The following EHMT1 variants were observed in gnomAD, a reference collection of about 807,000 sequenced individuals.
EHMT1 encodes the protein histone-lysine N-methyltransferase EHMT1.
A neutral mutation model predicts 147.2 loss-of-function variants in EHMT1; 15 were observed. That is an observed-to-expected ratio of 0.10 (90% confidence interval 0.07 to 0.16). The LOEUF is 0.16. EHMT1 is among the 10% of genes least tolerant of loss of function. EHMT1 has a pLI of 1.00. For missense variants in EHMT1, 1,587 were observed against 1,772.4 expected (o/e 0.90, Z 1.88); for synonymous variants, 795 against 709.6 (o/e 1.12, Z -1.91).
In EHMT1 at chr9:137,703,679, C is replaced by T. The variant is rs149699241; in HGVS notation, c.22-7288C>T. Among the ~76,000 whole-genome samples, 855 of 152,160 alleles carry T rather than the reference C, an allele frequency of 5.6e-3. 11 individuals are homozygous for T. Among genetic ancestry groups the T allele is most frequent in the African/African-American group, 0.019 (809 of 41,488 alleles). On this transcript the variant is annotated intron_variant, in intron 1 of 26. Transcript: ENST00000460843. The stretch of plus-strand genomic sequence containing the variant: ...CCTCCTCAGCTTGGACTTCATTGTC[C>T]ATATCACTGTCAGCATTTTGGTCAA...
intron 1 of EHMT1, among the ~76,000 whole-genome samples, chr9:137,652,884 C>G (rs1002973129): frequency 1.3e-5 from 2 of 151,912 alleles, no homozygotes; most frequent in African/African-American, 2.4e-5. Flanking sequence ...TGCCACCACA[C>G]CTGGCTAACT....
At chr9:137,711,083 A>G (rs1944668953) in intron 2 of EHMT1, 53 bp downstream of exon 2, 1 of 1,529,190 alleles carries the variant, frequency 6.5e-7, no homozygotes, top group Non-Finnish European at 8.8e-7. Context: ...CCAGACTAGA[A>G]AACCTGCTGC....
At chr9:137,745,645 G>A (rs1018910377) in intron 6 of EHMT1, 9 of 397,958 alleles carry the variant, frequency 2.3e-5, no homozygotes, top group Middle Eastern at 1.3e-3. Context: ...CAGCTGCCGC[G>A]GTCTCTGCAC....
intron 7 of EHMT1, among the ~76,000 whole-genome samples, chr9:137,752,807 G>A (rs996677790): frequency 6.6e-6 from 1 of 152,000 alleles, no homozygotes; most frequent in Non-Finnish European, 1.5e-5. Context: ...CAGAGGGAGA[G>A]GGTGTGGCGG....
At chr9:137,673,631 G>A (rs1410781) in intron 1 of EHMT1, among the ~76,000 whole-genome samples, 2,026 of 152,292 alleles carry the variant, frequency 0.013, 42 homozygotes, top group African/African-American at 0.046. Flanking sequence ...AACTCCTGGC[G>A]AAACTGCGCT....
At chr9:137,777,564 C>T (rs866357475) in intron 12 of EHMT1, among the ~76,000 whole-genome samples, 8 of 152,282 alleles carry the variant, frequency 5.3e-5, no homozygotes, top group South Asian at 2.1e-4. Context: ...TTCCTATTAA[C>T]CTGTAAATTT....
intron 1 of EHMT1, among the ~76,000 whole-genome samples, chr9:137,684,244 G>C (rs180736169): frequency 7.2e-5 from 11 of 152,172 alleles, no homozygotes; most frequent in African/African-American, 2.6e-4. Flanking sequence ...TGTTGCCCAG[G>C]CTGGTCTCAA....
chr9:137,768,396 C>T (rs1363794297), intron 10 of EHMT1, among the ~76,000 whole-genome samples: 6 of 146,666 alleles, frequency 4.1e-5, no homozygotes, highest in African/African-American at 1.5e-4. Context: ...TCTTGTTGCC[C>T]GGGTTGGAGT....
intron 1 of EHMT1, among the ~76,000 whole-genome samples, chr9:137,656,120 C>G (rs1938415270): frequency 6.6e-6 from 1 of 152,168 alleles, no homozygotes; most frequent in Non-Finnish European, 1.5e-5. Flanking sequence ...TGGCTCACAC[C>G]TATAATCCCA....
chr9:137,817,386 T>C, intron 23 of EHMT1, 53 bp from the exon 24 acceptor site: 1 of 1,601,092 alleles, frequency 6.2e-7, no homozygotes, highest in Non-Finnish European at 8.6e-7. Flanking sequence ...CTGACCATTG[T>C]GGCAACAGGC....
At chr9:137,808,066 CT>C (rs889173160) in intron 18 of EHMT1, among the ~76,000 whole-genome samples, 14 of 152,298 alleles carry the variant, frequency 9.2e-5, no homozygotes, top group African/African-American at 3.1e-4. Context: ...TTGGATTTTG[CT>C]TTTCAGGTTT....
chr9:137,809,309 G>A (rs1361732151), intron 18 of EHMT1, among the ~76,000 whole-genome samples: 1 of 152,232 alleles, frequency 6.6e-6, no homozygotes, highest in East Asian at 1.9e-4. Flanking sequence ...AGTTGGGAGG[G>A]GGACTGCGTG....
intron 9 of EHMT1, among the ~76,000 whole-genome samples, chr9:137,760,776 G>A (rs933546178): frequency 2.6e-5 from 4 of 152,190 alleles, no homozygotes; most frequent in Admixed American, 6.5e-5. Context: ...TTGGGAGGCC[G>A]AGGTGGGCAG....
chr9:137,635,777 G>T (rs1317140229), intron 1 of EHMT1, among the ~76,000 whole-genome samples: 1 of 151,332 alleles, frequency 6.6e-6, no homozygotes, highest in Admixed American at 6.6e-5. Context: ...CTGAGATGGT[G>T]CCACTGCTCT....
intron 18 of EHMT1, among the ~76,000 whole-genome samples, chr9:137,807,734 C>T (rs1459210445): frequency 6.6e-6 from 1 of 152,194 alleles, no homozygotes; most frequent in African/African-American, 2.4e-5. Context: ...TCTCGAACTC[C>T]TGACCTCAAG....
intron 23 of EHMT1, 185 bp downstream of exon 23, chr9:137,816,247 G>C: frequency 1.5e-6 from 1 of 659,012 alleles, no homozygotes; most frequent in South Asian, 1.6e-5. Flanking sequence ...CATAAATCAC[G>C]AGTCATGCTT....
intron 14 of EHMT1, among the ~76,000 whole-genome samples, chr9:137,780,540 T>A (rs994571582): frequency 1.6e-5 from 2 of 127,388 alleles, no homozygotes; most frequent in African/African-American, 6.3e-5. Flanking sequence ...GTGATGACGC[T>A]GAGATGTGTG....
At chr9:137,800,798 G>C (rs1236220892) in intron 17 of EHMT1, 82 bp from the exon 18 acceptor site, 2 of 1,262,466 alleles carry the variant, frequency 1.6e-6, no homozygotes, top group African/African-American at 2.9e-5. Context: ...GGGAGGTGCA[G>C]AGACCTCGGC....
Position 137,763,954 on chromosome 9 carries a change from G to A in EHMT1, c.1647+1134G>A, listed in dbSNP as rs186943791. The A allele has an allele frequency of 8.7e-3, 1,323 of 152,562 alleles. 15 individuals carry two copies. Among genetic ancestry groups the A allele is most frequent in the South Asian group, 0.017 (82 of 4,836 alleles). The allele number at this position is 152,562 out of a possible 1,614,324, so 9.5% of individuals were successfully genotyped here. On this transcript the variant is annotated intron_variant, in intron 10 of 26. Transcript: ENST00000460843. ...GCCCTGGAACAGGCCAGTCAGTTTC[G>A]CCCATGGCCCTCACCCTGGTGCCTG...
Sources: gnomAD v4.1 joint callset for allele counts (sites outside exome capture counted in the v4.1 genomes callset) on GRCh38, gnomAD v4.1.1 for gene constraint, MANE v1.5 for transcripts, NCBI Gene and HGNC (gene_info 2026-07-23, HGNC 2026-07-21) for gene names.